DOCK2: variants seen among roughly 807,000 people sequenced by gnomAD.
The protein encoded by DOCK2 is dedicator of cytokinesis 2.
A neutral mutation model predicts 248.9 loss-of-function variants in DOCK2; 87 were observed. That is an observed-to-expected ratio of 0.35 (90% confidence interval 0.29 to 0.42). The LOEUF (loss-of-function observed/expected upper bound fraction) is 0.42, where lower values mean the gene tolerates loss of function less well. Ranked by LOEUF, DOCK2 falls within the 10% of genes least tolerant of loss-of-function variation. The pLI is 1.00. For synonymous variants in DOCK2, 805 were observed against 821.6 expected (o/e 0.98, Z 0.35); for missense variants, 1,747 against 2,300.2 (o/e 0.76, Z 4.92).
chr5:169,784,268 C>T (rs189810882), intron 25 of DOCK2, among the ~76,000 whole-genome samples: 28 of 152,140 alleles, frequency 1.8e-4, no homozygotes, highest in East Asian at 1.5e-3. Flanking sequence ...ACATTTCAGA[C>T]GATGATGATG....
At chr5:170,076,710 T>C (rs1326856412) in intron 47 of DOCK2, among the ~76,000 whole-genome samples, 1 of 152,236 alleles carries the variant, frequency 6.6e-6, no homozygotes, top group Non-Finnish European at 1.5e-5. Context: ...CTTCCCATTT[T>C]ACAGATGGTA....
chr5:169,876,792 A>G (rs1298916468), intron 27 of DOCK2, among the ~76,000 whole-genome samples: 4 of 152,220 alleles, frequency 2.6e-5, no homozygotes, highest in African/African-American at 9.7e-5. Flanking sequence ...ACTAATAGTA[A>G]CAATGACTTT....
chr5:169,992,786 C>A (rs971005302), intron 29 of DOCK2, among the ~76,000 whole-genome samples: 14 of 147,742 alleles, frequency 9.5e-5, no homozygotes, highest in Non-Finnish European at 2.1e-4. Flanking sequence ...AAAAAAAAAA[C>A]AAGAAAAATG....
chr5:169,718,714 T>C lies in DOCK2; in HGVS notation c.2190T>C (p.Cys730=), dbSNP rs1581090012. The change falls in exon 22 of 52, where the codon TGT becomes TGC. Residue 730 remains cysteine (C), a synonymous_variant. Coordinates refer to ENST00000520908, the MANE Select transcript of DOCK2 (RefSeq NM_004946.3). The part of the protein sequence containing the change: ...YLDTSSRGEQ[C]EPILRTLKAL... ...ATACCTCCAGCAGAGGGGAGCAATG[T>C]GAGCCAATCCTAAGAACGCTGAAGG... is the stretch of plus-strand genomic sequence containing the variant. 6.2e-7 allele frequency: 1 copy of C among 1,614,044 alleles called. No individual in the cohort carries two copies. The highest frequency in any genetic ancestry group is 8.5e-7 in the Non-Finnish European group (1 of 1,179,918).
chr5:170,037,765 C>T (rs181178672), intron 36 of DOCK2, among the ~76,000 whole-genome samples: 18 of 152,264 alleles, frequency 1.2e-4, no homozygotes, highest in Admixed American at 2.0e-4. Context: ...GGATTACAGG[C>T]GTGAGCCACT....
At chr5:169,662,168 G>T (rs750323728) in intron 2 of DOCK2, among the ~76,000 whole-genome samples, 2 of 152,130 alleles carry the variant, frequency 1.3e-5, no homozygotes, top group African/African-American at 2.4e-5. Flanking sequence ...CAGGCATGAG[G>T]TGATATCTCA....
intron 3 of DOCK2, among the ~76,000 whole-genome samples, chr5:169,670,141 C>T (rs549874784): frequency 9.2e-5 from 14 of 152,320 alleles, no homozygotes; most frequent in African/African-American, 3.1e-4. Context: ...GACCGCTTTC[C>T]GGAATCGGGC....
chr5:169,964,804 A>G, intron 27 of DOCK2, among the ~76,000 whole-genome samples: 1 of 152,224 alleles, frequency 6.6e-6, no homozygotes, highest in Non-Finnish European at 1.5e-5. Context: ...GGTGTATAAT[A>G]ATGGCATCTA....
At chr5:169,759,884 G>A (rs1764385322) in intron 24 of DOCK2, 109 bp downstream of exon 24, 2 of 1,197,986 alleles carry the variant, frequency 1.7e-6, no homozygotes, top group Non-Finnish European at 2.4e-6. Context: ...TTGGGGATGG[G>A]GAAGACCTGT....
intron 30 of DOCK2, among the ~76,000 whole-genome samples, chr5:169,997,780 T>C (rs945567212): frequency 5.3e-5 from 8 of 152,060 alleles, no homozygotes; most frequent in Admixed American, 1.3e-4. Flanking sequence ...CTCCTATGTC[T>C]ACTTCTTTCT....
At chr5:170,035,141 A>G (rs1756279658) in intron 35 of DOCK2, among the ~76,000 whole-genome samples, 1 of 152,180 alleles carries the variant, frequency 6.6e-6, no homozygotes, top group South Asian at 2.1e-4. Context: ...CCTATATTCC[A>G]TGAGCTCCCA....
At position 169,642,113 on chromosome 5, in the gene DOCK2, C is replaced by A. The variant is rs543385814; in HGVS notation, c.43+4744C>A. Among the ~76,000 whole-genome samples the A allele has an allele frequency of 4.6e-5, 7 of 152,264 alleles. No homozygotes were observed. In the South Asian group the frequency reaches 1.0e-3, roughly 23 times the overall value. ...AGTGGAAACTGCATCCCAAACATAC[C>A]CAGGAGCAGAACTTCACTACAGAGG... On this transcript the variant is annotated intron_variant, in intron 1 of 51. Coordinates refer to ENST00000520908, the MANE Select transcript of DOCK2 (RefSeq NM_004946.3).
chr5:169,670,646 T>A (rs1333214493), intron 4 of DOCK2, 49 bp downstream of exon 4: 1 of 1,593,734 alleles, frequency 6.3e-7, no homozygotes. Flanking sequence ...CTCATGGATG[T>A]CTCTGTCCTG....
At chr5:169,757,577 C>T (rs1000503134) in intron 23 of DOCK2, among the ~76,000 whole-genome samples, 62 of 151,990 alleles carry the variant, frequency 4.1e-4, no homozygotes, top group Admixed American at 3.5e-3. Flanking sequence ...ATACAAAATC[C>T]AATAACCATA....
rs935573650 is a variant in DOCK2, at chr5:170,082,948, G to C, written c.*90G>C. 4 of 1,528,638 alleles carry C rather than the reference G, an allele frequency of 2.6e-6. No homozygotes were observed. The African/African-American group carries it at 5.5e-5, about 21-fold the overall frequency. 94.7% of individuals were successfully genotyped at this position (1,528,638 alleles called of 1,614,324 possible). On this transcript the variant is annotated 3_prime_UTR_variant, in exon 52 of 52. Coordinates refer to ENST00000520908, the MANE Select transcript of DOCK2 (RefSeq NM_004946.3). Reference sequence around the variant, plus strand: ...GCGTGGAACATCGAAGCCTCAGAGAGTGGGAGACTGTCCCCATCAGTTGTC... The same window carrying C: ...GCGTGGAACATCGAAGCCTCAGAGACTGGGAGACTGTCCCCATCAGTTGTC...
intron 27 of DOCK2, among the ~76,000 whole-genome samples, chr5:169,886,739 G>A (rs1772992057): frequency 6.6e-6 from 1 of 152,176 alleles, no homozygotes; most frequent in African/African-American, 2.4e-5. Flanking sequence ...GTACTGCAGA[G>A]CCTAGGTATT....
chr5:169,775,032 C>T lies in DOCK2; in HGVS notation c.2554+13407C>T, dbSNP rs546519822. ...CAAGCGATTCTCTTGCCTCAGCCCC[C>T]GGAGTAGCTGGGATAACAGGCATGA... is the stretch of plus-strand genomic sequence containing the variant. On this transcript the variant is annotated intron_variant, in intron 25 of 51. Transcript: ENST00000520908. 4.6e-5 allele frequency among the ~76,000 whole-genome samples: 7 copies of T among 152,226 alleles called. No homozygotes were observed. The East Asian group carries it at 7.7e-4, about 17-fold the overall frequency.
intron 23 of DOCK2, among the ~76,000 whole-genome samples, chr5:169,750,980 T>G (rs1763864578): frequency 6.6e-6 from 1 of 152,218 alleles, no homozygotes; most frequent in Non-Finnish European, 1.5e-5. Flanking sequence ...TGTGGACATG[T>G]AGCCTTAGGC....
chr5:169,974,698 A>C (rs1421230401), intron 27 of DOCK2, among the ~76,000 whole-genome samples: 1 of 152,132 alleles, frequency 6.6e-6, no homozygotes, highest in Non-Finnish European at 1.5e-5. Flanking sequence ...GTGTGAACTG[A>C]GGAATATACC....
Sources: gnomAD v4.1 joint callset for allele counts (sites outside exome capture counted in the v4.1 genomes callset) on GRCh38, gnomAD v4.1.1 for gene constraint, MANE v1.5 for transcripts, NCBI Gene and HGNC (gene_info 2026-07-23, HGNC 2026-07-21) for gene names.